Variants in CHRM3 observed in about 807,000 individuals in gnomAD.
The protein encoded by CHRM3 is cholinergic receptor muscarinic 3.
Under a neutral mutation model 41.8 loss-of-function variants are expected in CHRM3, and 11 were observed. The ratio of observed to expected loss-of-function variants is 0.26; its 90% confidence interval spans 0.17 to 0.44. The LOEUF (loss-of-function observed/expected upper bound fraction) is 0.44, where lower values mean the gene tolerates loss of function less well. Among genes scored for constraint, CHRM3 ranks in the 20% least tolerant of loss-of-function variants. The pLI, the probability that CHRM3 is intolerant of heterozygous loss-of-function variation, is 1.00. For synonymous variants in CHRM3, 297 were observed against 301.4 expected, an observed-to-expected ratio of 0.99 and a Z score of 0.15; for missense variants, 571 against 745.4, an observed-to-expected ratio of 0.77 and a Z score of 2.72.
intron 1 of CHRM3, among the ~76,000 whole-genome samples, chr1:239,457,708 C>T (rs145671777): frequency 6.6e-5 from 10 of 152,288 alleles, no homozygotes; most frequent in African/African-American, 2.4e-4. Flanking sequence ...GGCCAACACA[C>T]TCATGCTTCA....
At chr1:239,889,878 TTAGTC>T (rs754302345) in intron 6 of CHRM3, among the ~76,000 whole-genome samples, 1 of 152,192 alleles carries the variant, frequency 6.6e-6, no homozygotes, top group African/African-American at 2.4e-5. Context: ...AAAAGGGCCT[TTAGTC>T]TTGGCAGTTT....
At chr1:239,886,224 GA>G (rs1678055326) in intron 6 of CHRM3, 1 of 152,098 alleles carries the variant, frequency 6.6e-6, no homozygotes, top group Non-Finnish European at 1.5e-5. Flanking sequence ...AACAACAGAG[GA>G]AAGTATTGGG....
In CHRM3 at chr1:239,739,669, A is replaced by AT. The variant is rs914343799; in HGVS notation, c.-147+61391dup. Among the ~76,000 whole-genome samples the AT allele has an allele frequency of 6.3e-4, 95 of 149,796 alleles. 1 individual carries two copies. The South Asian group carries it at 0.014, about 22-fold the overall frequency. On this transcript the variant is annotated intron_variant, in intron 5 of 6. Transcript: ENST00000676153. ...GATAGCCTCAGTCACATGCTGGAGG[A>AT]TTTTTTTTTTAATGTTTTGCTAGTT... is the stretch of plus-strand genomic sequence containing the variant.
intron 1 of CHRM3, among the ~76,000 whole-genome samples, chr1:239,443,733 GA>G (rs1190851676): frequency 2.0e-5 from 3 of 152,158 alleles, no homozygotes; most frequent in African/African-American, 7.2e-5. Context: ...CTTAGGAGAA[GA>G]AAATCTTAAG....
chr1:239,484,641 G>A (rs1240269868), intron 1 of CHRM3, among the ~76,000 whole-genome samples: 1 of 152,142 alleles, frequency 6.6e-6, no homozygotes. Context: ...TGAGGTTGCA[G>A]TGAGGTATGA....
intron 5 of CHRM3, among the ~76,000 whole-genome samples, chr1:239,700,305 T>G (rs1481117209): frequency 6.6e-6 from 1 of 152,146 alleles, no homozygotes; most frequent in Non-Finnish European, 1.5e-5. Flanking sequence ...ATTCCGTCTA[T>G]AACATCTTCA....
intron 5 of CHRM3, among the ~76,000 whole-genome samples, chr1:239,685,761 G>A (rs1659076625): frequency 6.6e-6 from 1 of 152,164 alleles, no homozygotes; most frequent in African/African-American, 2.4e-5. Flanking sequence ...GGCGGAGGTT[G>A]CAGTGAGCTG....
At chr1:239,439,887 G>T (rs140731099) in intron 1 of CHRM3, among the ~76,000 whole-genome samples, 1 of 152,040 alleles carries the variant, frequency 6.6e-6, no homozygotes, top group Non-Finnish European at 1.5e-5. Context: ...GAAGATGGTC[G>T]ATATCAGGAA....
intron 3 of CHRM3, among the ~76,000 whole-genome samples, chr1:239,614,361 T>C (rs1667401625): frequency 6.6e-6 from 1 of 152,134 alleles, no homozygotes; most frequent in South Asian, 2.1e-4. Flanking sequence ...ATACAGAAGG[T>C]AGGAAAGTGG....
chr1:239,636,837 C>A (rs567986210), intron 4 of CHRM3, among the ~76,000 whole-genome samples: 1 of 152,188 alleles, frequency 6.6e-6, no homozygotes, highest in Non-Finnish European at 1.5e-5. Flanking sequence ...TCCCTCCCAA[C>A]CCTGCCTGCT....
At position 239,420,466 on chromosome 1, in the gene CHRM3, A is replaced by G. The variant is rs373277512; in HGVS notation, c.-521+33239A>G. ...AGTAGATTTGGAAAGTTCCACAAGG[A>G]GGTCCTGATTCACAGCAGGGGTGAG... On this transcript the variant is annotated intron_variant, in intron 1 of 6. Coordinates refer to ENST00000676153, the MANE Select transcript of CHRM3 (RefSeq NM_001375978.1). 2.3e-4 allele frequency among the ~76,000 whole-genome samples: 35 copies of G among 152,292 alleles called. No homozygotes were observed. In the East Asian group the frequency reaches 5.6e-3, roughly 24 times the overall value.
chr1:239,845,808 T>A (rs946172574), intron 6 of CHRM3, among the ~76,000 whole-genome samples: 1 of 152,274 alleles, frequency 6.6e-6, no homozygotes, highest in Admixed American at 6.5e-5. Context: ...TTATGTATCA[T>A]GGCCAGCCAT....
In CHRM3 at chr1:239,684,776, G is replaced by GAAAGAAAGAAAGAAAGAAAGAA. The variant is rs1336687441; in HGVS notation, c.-147+6489_-147+6490insAAGAAAGAAAGAAAGAAAGAAA. 1.8e-3 allele frequency among the ~76,000 whole-genome samples: 112 copies of GAAAGAAAGAAAGAAAGAAAGAA among 61,166 alleles called. 1 individual carries two copies. Among genetic ancestry groups the GAAAGAAAGAAAGAAAGAAAGAA allele is most frequent in the Non-Finnish European group, 3.9e-3 (96 of 24,568 alleles). 40.1% of individuals were successfully genotyped at this position (61,166 alleles called of 152,430 possible). A position where few individuals can be genotyped will look rare whatever the true frequency, so the allele number is the denominator to read the frequency against. ...AAAGAAAGAAAGAAAGAAAGAGAAA[G>GAAAGAAAGAAAGAAAGAAAGAA]AGAAAGAAAAGAGAAGAGAAGGAAA... On this transcript the variant is annotated intron_variant, in intron 5 of 6. Coordinates refer to ENST00000676153, the MANE Select transcript of CHRM3 (RefSeq NM_001375978.1).
intron 5 of CHRM3, among the ~76,000 whole-genome samples, chr1:239,750,055 G>A (rs188567762): frequency 4.6e-5 from 7 of 152,156 alleles, no homozygotes; most frequent in East Asian, 1.9e-4. Context: ...CTATTACTTC[G>A]TCATATTGTA....
rs572857600 is a variant in CHRM3, at chr1:239,676,353, G to A, written c.-249-1833G>A. 5.2e-5 allele frequency among the ~76,000 whole-genome samples: 7 copies of A among 133,472 alleles called. No homozygotes were observed. In the East Asian group the frequency reaches 1.4e-3, roughly 27 times the overall value. The allele number at this position is 133,472 out of a possible 152,430, so 87.6% of individuals were successfully genotyped here. ...AAGTAGCCTGCCATGCCTGCCATGT[G>A]TATTACAGAGAAGTCTATTATTGAA... On this transcript the variant is annotated intron_variant, in intron 4 of 6. Transcript: ENST00000676153.
chr1:239,531,226 AGG>A (rs898117954), intron 2 of CHRM3, among the ~76,000 whole-genome samples: 167 of 152,324 alleles, frequency 1.1e-3, no homozygotes, highest in Non-Finnish European at 1.7e-3. Flanking sequence ...ACCAAGTTAG[AGG>A]ACATGCACTT....
chr1:239,892,058 C>T (rs1200466427), intron 6 of CHRM3, among the ~76,000 whole-genome samples: 1 of 152,204 alleles, frequency 6.6e-6, no homozygotes, highest in African/African-American at 2.4e-5. Context: ...AGCTTACACA[C>T]ACTTTTGGTA....
intron 5 of CHRM3, among the ~76,000 whole-genome samples, chr1:239,753,775 A>G (rs929654490): frequency 1.3e-5 from 2 of 152,180 alleles, no homozygotes; most frequent in African/African-American, 4.8e-5. Flanking sequence ...GTATATTGGG[A>G]AGCTGTTATT....
At chr1:239,647,387 G>A (rs1007327041) in intron 4 of CHRM3, among the ~76,000 whole-genome samples, 4 of 152,078 alleles carry the variant, frequency 2.6e-5, no homozygotes, top group African/African-American at 9.6e-5. Flanking sequence ...CTCTATTTTC[G>A]TGGATTCGAA....
Sources: gnomAD v4.1 joint callset for allele counts (sites outside exome capture counted in the v4.1 genomes callset) on GRCh38, gnomAD v4.1.1 for gene constraint, MANE v1.5 for transcripts, NCBI Gene and HGNC (gene_info 2026-07-23, HGNC 2026-07-21) for gene names.